LAMA2: variants seen among roughly 807,000 people sequenced by gnomAD.
LAMA2 encodes the protein laminin subunit alpha 2.
In LAMA2, 269 loss-of-function variants were observed where a neutral mutation model predicts 364.8. That is an observed-to-expected ratio of 0.74 (90% CI 0.67 to 0.82). The LOEUF (loss-of-function observed/expected upper bound fraction) is 0.82, where lower values mean the gene tolerates loss of function less well. Ranked by LOEUF, LAMA2 falls within the 40% of genes least tolerant of loss-of-function variation. LAMA2 has a pLI of 0.00. For missense variants in LAMA2, 3,807 were observed against 3,873.2 expected (o/e 0.98, Z 0.45); for synonymous variants, 1,379 against 1,370.6 (o/e 1.01, Z -0.14).
intron 53 of LAMA2, among the ~76,000 whole-genome samples, chr6:129,476,278 GAGAAAT>G (rs1784063652): frequency 6.6e-6 from 1 of 152,190 alleles, no homozygotes; most frequent in East Asian, 1.9e-4. Context: ...TTTTTAATAA[GAGAAAT>G]AGAATATACA....
At chr6:129,397,509 G>A (rs1268221494) in intron 37 of LAMA2, among the ~76,000 whole-genome samples, 4 of 152,030 alleles carry the variant, frequency 2.6e-5, no homozygotes, top group East Asian at 1.9e-4. Context: ...ATTGTTTTCC[G>A]TGAATAAATA....
At chr6:128,923,947 C>G (rs1452049215) in intron 1 of LAMA2, among the ~76,000 whole-genome samples, 4 of 152,032 alleles carry the variant, frequency 2.6e-5, no homozygotes, top group Admixed American at 2.0e-4. Flanking sequence ...AGTGCTTCAG[C>G]TAGGAAGTCA....
Position 129,149,062 on chromosome 6 carries a change from A to C in LAMA2, c.993A>C (p.Arg331Ser). 1 of 1,612,128 alleles carries C rather than the reference A, an allele frequency of 6.2e-7. No individual in the cohort carries two copies. The highest frequency in any genetic ancestry group is 1.1e-5 in the South Asian group (1 of 91,038). ...CAGGATTCCATCAGAAACCCTGGAG[A>C]GCTGGAACTTTTCTAACTAAAACTG... ...CCPGFHQKPW[R>S]AGTFLTKTEC... The change falls in exon 7 of 65, where the codon AGA (arginine) becomes AGC (serine). Residue 331 changes from arginine to serine, a missense_variant. Physicochemically the swap from Arg to Ser is moderately radical, Grantham distance 110. This residue lies in a region of LAMA2 where 80 missense variants were observed against 124.0 expected (regional missense o/e 0.65). Transcript: ENST00000421865.
chr6:129,395,751 G>T (rs1434875916), intron 37 of LAMA2, among the ~76,000 whole-genome samples: 1 of 152,196 alleles, frequency 6.6e-6, no homozygotes, highest in Non-Finnish European at 1.5e-5. Flanking sequence ...GCTTTGTAGA[G>T]GCCCTGACAC....
chr6:129,051,659 TCTATAGATCGATCTATAGATATCTATA>T (rs1788033808), intron 2 of LAMA2, among the ~76,000 whole-genome samples: 1 of 39,650 alleles, frequency 2.5e-5, no homozygotes, highest in Non-Finnish European at 4.8e-5. Flanking sequence ...ATTTTACATA[TCTATAGATCGATCTATAGATATCTATA>T]TCTATAGATC....
At chr6:129,473,053 G>A (rs925752313) in intron 51 of LAMA2, among the ~76,000 whole-genome samples, 161 bp from the exon 52 acceptor site, 1 of 151,860 alleles carries the variant, frequency 6.6e-6, no homozygotes, top group Non-Finnish European at 1.5e-5. Context: ...TTTTATTGAT[G>A]TTATTTCTGT....
chr6:129,170,389 C>T (rs1780060095), intron 9 of LAMA2, among the ~76,000 whole-genome samples: 2 of 144,960 alleles, frequency 1.4e-5, no homozygotes, highest in Middle Eastern at 3.4e-3. Flanking sequence ...TTTCAAAGAA[C>T]ATCTTTATTT....
At chr6:129,314,129 G>T (rs993129757) in intron 23 of LAMA2, among the ~76,000 whole-genome samples, 3 of 152,082 alleles carry the variant, frequency 2.0e-5, no homozygotes, top group African/African-American at 7.2e-5. Context: ...GGCCGGGCGT[G>T]GTGGCTCACG....
chr6:129,091,667 T>A (rs1312535768), intron 3 of LAMA2, among the ~76,000 whole-genome samples: 1 of 152,200 alleles, frequency 6.6e-6, no homozygotes, highest in Non-Finnish European at 1.5e-5. Flanking sequence ...TAAATTTACC[T>A]GAAGATAGAA....
At chr6:128,910,200 G>C (rs1777804703) in intron 1 of LAMA2, among the ~76,000 whole-genome samples, 1 of 152,186 alleles carries the variant, frequency 6.6e-6, no homozygotes, top group Non-Finnish European at 1.5e-5. Context: ...CTAGATTGGG[G>C]AAGTTCTCCT....
At chr6:129,401,395 T>G (rs550250162) in intron 38 of LAMA2, 55 bp downstream of exon 38, 8 of 1,108,106 alleles carry the variant, frequency 7.2e-6, no homozygotes, top group African/African-American at 1.5e-5. Flanking sequence ...TGGGAGCCGA[T>G]GAGAAAGCTC....
chr6:129,274,300 T>A (rs1446439885), intron 17 of LAMA2, among the ~76,000 whole-genome samples: 2 of 151,926 alleles, frequency 1.3e-5, no homozygotes, highest in African/African-American at 2.4e-5. Context: ...CTATCCTTTT[T>A]AAAAATATTT....
chr6:129,327,775 A>G (rs1365165168), intron 28 of LAMA2, among the ~76,000 whole-genome samples: 2 of 152,240 alleles, frequency 1.3e-5, no homozygotes, highest in Non-Finnish European at 1.5e-5. Flanking sequence ...GTCGCAAGAC[A>G]TGTACAGCTT....
chr6:129,463,539 TAGAC>T (rs1462040064), intron 49 of LAMA2, among the ~76,000 whole-genome samples: 6 of 152,060 alleles, frequency 3.9e-5, no homozygotes, highest in Non-Finnish European at 8.8e-5. Flanking sequence ...GGTAGGTAGA[TAGAC>T]AGATACATAA....
At chr6:129,309,290 T>C (rs778686950) in intron 22 of LAMA2, among the ~76,000 whole-genome samples, 1 of 152,198 alleles carries the variant, frequency 6.6e-6, no homozygotes, top group Non-Finnish European at 1.5e-5. Context: ...AAATATTACC[T>C]CTATTTATGA....
rs1240627465 is a variant in LAMA2, at chr6:129,402,481, T to C, written c.5720T>C (p.Leu1907Pro). 6 of 1,613,944 alleles carry C rather than the reference T, an allele frequency of 3.7e-6. No individual in the cohort carries two copies. Among genetic ancestry groups the C allele is most frequent in the Non-Finnish European group, 5.1e-6 (6 of 1,179,964 alleles). The part of the protein sequence containing the change: ...AAQLNDSSAV[L>P]DGILDEAKNI... ...CAGTTGAATGACTCATCTGCTGTCCTTGATGGGTATGTCATTTGTTTTTGG... is the reference window on the plus strand; with the variant it reads ...CAGTTGAATGACTCATCTGCTGTCCCTGATGGGTATGTCATTTGTTTTTGG... Residue 1907 changes from leucine to proline, a missense_variant, in exon 39 of 65, where the codon CTT becomes CCT. Leu to Pro is a moderately conservative substitution (Grantham distance 98). Coordinates refer to ENST00000421865, the MANE Select transcript of LAMA2 (RefSeq NM_000426.4).
intron 3 of LAMA2, among the ~76,000 whole-genome samples, chr6:129,084,544 G>C (rs1774259632): frequency 6.6e-6 from 1 of 152,090 alleles, no homozygotes; most frequent in African/African-American, 2.4e-5. Context: ...AATTTTAATA[G>C]TTGTACTGTT....
intron 33 of LAMA2, among the ~76,000 whole-genome samples, chr6:129,367,511 C>CATTCTGAGAGTA: frequency 6.6e-6 from 1 of 152,178 alleles, no homozygotes; most frequent in Admixed American, 6.5e-5. Context: ...AGAGAATGTA[C>CATTCTGAGAGTA]CATTACTGAG....
chr6:129,327,904 A>G (rs1775398416), intron 28 of LAMA2, among the ~76,000 whole-genome samples: 1 of 152,206 alleles, frequency 6.6e-6, no homozygotes, highest in South Asian at 2.1e-4. Context: ...CTAGTTATCC[A>G]TCAAGCACAG....
Sources: gnomAD v4.1 joint callset for allele counts (sites outside exome capture counted in the v4.1 genomes callset) on GRCh38, gnomAD v4.1.1 for gene constraint, gnomAD v4.1.1 regional missense constraint, MANE v1.5 for transcripts, NCBI Gene and HGNC (gene_info 2026-07-23, HGNC 2026-07-21) for gene names.